Variants in MNAT1 observed in about 807,000 individuals in gnomAD.
The protein encoded by MNAT1 is CDK-activating kinase assembly factor MAT1.
Under a neutral mutation model 42.0 loss-of-function variants are expected in MNAT1, and 43 were observed. The ratio of observed to expected loss-of-function variants is 1.02; its 90% CI spans 0.80 to 1.32. MNAT1 has a LOEUF of 1.32. MNAT1 is among the 40% of genes most tolerant of loss of function. The pLI, the probability that MNAT1 is intolerant of heterozygous loss-of-function variation, is 0.00. For missense variants in MNAT1, 306 were observed against 350.4 expected, an observed-to-expected ratio of 0.87 and a Z score of 1.01; for synonymous variants, 118 against 120.0, an observed-to-expected ratio of 0.98 and a Z score of 0.11.
At chr14:60,881,182 AATT>A (rs1291327775) in intron 7 of MNAT1, among the ~76,000 whole-genome samples, 2 of 151,700 alleles carry the variant, frequency 1.3e-5, no homozygotes, top group Non-Finnish European at 2.9e-5. Context: ...TAGAATGTTG[AATT>A]ATTATTATTT....
intron 4 of MNAT1, 167 bp downstream of exon 4, chr14:60,808,595 A>G: frequency 4.5e-6 from 2 of 446,760 alleles, no homozygotes; most frequent in East Asian, 4.1e-5. Context: ...GTAGGCAGGC[A>G]CACATTACTG....
chr14:60,828,577 C>G (rs779138961), intron 6 of MNAT1, among the ~76,000 whole-genome samples: 19 of 151,452 alleles, frequency 1.3e-4, no homozygotes, highest in Non-Finnish European at 2.2e-4. Context: ...CTGTACCACA[C>G]CAACCATTTC....
At chr14:60,906,971 C>T (rs368885464) in intron 7 of MNAT1, among the ~76,000 whole-genome samples, 89 of 152,256 alleles carry the variant, frequency 5.8e-4, no homozygotes, top group African/African-American at 2.0e-3. Context: ...TTTCCACCCC[C>T]CAACCCCAAT....
In MNAT1 at chr14:60,818,863, A is replaced by T; in HGVS notation, c.687+16A>T. On this transcript the variant is annotated intron_variant, in intron 6 of 7. Transcript: ENST00000261245. ...CATCAAAATGGTAAGCCTTATTTTAATTGCTTGTTTGAAAGATATTTTTTC... is the reference window on the plus strand; with the variant it reads ...CATCAAAATGGTAAGCCTTATTTTATTTGCTTGTTTGAAAGATATTTTTTC... The T allele has an allele frequency of 6.2e-7, 1 of 1,604,618 alleles. No homozygotes were observed. The highest frequency in any genetic ancestry group is 8.5e-7 in the Non-Finnish European group (1 of 1,176,544).
intron 3 of MNAT1, among the ~76,000 whole-genome samples, chr14:60,799,081 A>G (rs1459960105): frequency 6.6e-6 from 1 of 152,196 alleles, no homozygotes; most frequent in Non-Finnish European, 1.5e-5. Context: ...AAATCCAGAA[A>G]ATCTTTTTGT....
chr14:60,827,759 G>A (rs1303174928), intron 6 of MNAT1, among the ~76,000 whole-genome samples: 1 of 152,136 alleles, frequency 6.6e-6, no homozygotes, highest in African/African-American at 2.4e-5. Flanking sequence ...AAGGTATTTT[G>A]AAATGTAAAT....
At chr14:60,770,282 A>G (rs759617878) in intron 1 of MNAT1, among the ~76,000 whole-genome samples, 96 of 152,300 alleles carry the variant, frequency 6.3e-4, no homozygotes, top group African/African-American at 1.8e-3. Flanking sequence ...TAAAAGGTGC[A>G]TAATATTTCA....
intron 1 of MNAT1, among the ~76,000 whole-genome samples, chr14:60,793,340 C>G (rs2031890942): frequency 6.6e-6 from 1 of 151,794 alleles, no homozygotes; most frequent in Non-Finnish European, 1.5e-5. Context: ...CTGCACCCAG[C>G]CTATTTTTCC....
In MNAT1 at chr14:60,748,496, G is replaced by A. The variant is rs538267596; in HGVS notation, c.89+13545G>A. 2.6e-5 allele frequency among the ~76,000 whole-genome samples: 4 copies of A among 152,318 alleles called. No individual in the cohort carries two copies. The East Asian group carries it at 7.7e-4, about 29-fold the overall frequency. On this transcript the variant is annotated intron_variant, in intron 1 of 7. Coordinates refer to ENST00000261245, the MANE Select transcript of MNAT1 (RefSeq NM_002431.4). ...TCCTCTCGCCTTGGCCTCCCAAAGT[G>A]CTGGGATTGCAGGCGTGAGCCACTA... is the stretch of plus-strand genomic sequence containing the variant.
At chr14:60,888,620 A>G (rs937036349) in intron 7 of MNAT1, among the ~76,000 whole-genome samples, 6 of 151,008 alleles carry the variant, frequency 4.0e-5, no homozygotes, top group Admixed American at 6.6e-5. Flanking sequence ...GGAGAAGGAA[A>G]TAAAGGGCAT....
At chr14:60,735,101 A>T in intron 1 of MNAT1, 150 bp downstream of exon 1, 1 of 771,416 alleles carries the variant, frequency 1.3e-6, no homozygotes, top group Non-Finnish European at 2.2e-6. Flanking sequence ...TTGTGACTTT[A>T]AATAGACTGT....
At chr14:60,827,702 C>A (rs2033094081) in intron 6 of MNAT1, among the ~76,000 whole-genome samples, 1 of 152,068 alleles carries the variant, frequency 6.6e-6, no homozygotes. Flanking sequence ...GTCATGTGCC[C>A]TTTCTCAAGT....
intron 7 of MNAT1, among the ~76,000 whole-genome samples, chr14:60,926,653 G>A (rs961033507): frequency 3.3e-5 from 5 of 152,072 alleles, no homozygotes; most frequent in African/African-American, 4.8e-5. Flanking sequence ...GACATGCCAC[G>A]CACCCGCCAC....
At chr14:60,900,696 T>C (rs1424781135) in intron 7 of MNAT1, among the ~76,000 whole-genome samples, 4 of 152,032 alleles carry the variant, frequency 2.6e-5, no homozygotes, top group Non-Finnish European at 5.9e-5. Flanking sequence ...TGGAAGGAGA[T>C]GCCATCTAGG....
At chr14:60,942,378 GT>G in intron 7 of MNAT1, among the ~76,000 whole-genome samples, 1 of 151,700 alleles carries the variant, frequency 6.6e-6, no homozygotes, top group African/African-American at 2.4e-5. Context: ...TTTACTTACA[GT>G]GCCAAAAATC....
intron 7 of MNAT1, among the ~76,000 whole-genome samples, chr14:60,900,766 T>TGTGAGCCTCA: frequency 1.3e-5 from 2 of 151,816 alleles, no homozygotes; most frequent in Non-Finnish European, 2.9e-5. Context: ...CATTCCAGGA[T>TGTGAGCCTCA]TTTGGGAGGC....
intron 7 of MNAT1, among the ~76,000 whole-genome samples, chr14:60,926,751 GATTATATC>G (rs1266859294): frequency 4.6e-5 from 7 of 152,076 alleles, no homozygotes; most frequent in Non-Finnish European, 1.0e-4. Context: ...AGGCTCTGTT[GATTATATC>G]ATTGGCCATT....
At chr14:60,813,721 C>T (rs1345261354) in intron 5 of MNAT1, among the ~76,000 whole-genome samples, 2 of 152,142 alleles carry the variant, frequency 1.3e-5, no homozygotes, top group Admixed American at 6.5e-5. Flanking sequence ...TACTCAGTCT[C>T]TATCCCAATG....
chr14:60,844,154 G>A (rs2033622420), intron 6 of MNAT1, among the ~76,000 whole-genome samples: 1 of 151,960 alleles, frequency 6.6e-6, no homozygotes, highest in South Asian at 2.1e-4. Flanking sequence ...GATTACTATA[G>A]TAATTCTTGA....
Sources: gnomAD v4.1 joint callset for allele counts (sites outside exome capture counted in the v4.1 genomes callset) on GRCh38, gnomAD v4.1.1 for gene constraint, MANE v1.5 for transcripts, NCBI Gene and HGNC (gene_info 2026-07-23, HGNC 2026-07-21) for gene names.